BABAM2: variants seen among roughly 807,000 people sequenced by gnomAD.
BABAM2 encodes BRISC and BRCA1-A complex member 2.
Under a neutral mutation model 54.7 loss-of-function variants are expected in BABAM2, and 31 were observed. The ratio of observed to expected loss-of-function variants is 0.57; its 90% confidence interval spans 0.43 to 0.77. The LOEUF is 0.77. Ranked by LOEUF, BABAM2 falls within the 30% of genes least tolerant of loss-of-function variation. BABAM2 has a pLI of 0.00. For synonymous variants in BABAM2, 167 were observed against 162.9 expected (o/e 1.03, Z -0.19); for missense variants, 364 against 455.8 (o/e 0.80, Z 1.83).
At chr2:28,107,536 G>A (rs1027721502) in intron 6 of BABAM2, among the ~76,000 whole-genome samples, 10 of 152,036 alleles carry the variant, frequency 6.6e-5, no homozygotes, top group East Asian at 1.9e-4. Context: ...GTGACTTTCC[G>A]TGTGCTGTCA....
intron 4 of BABAM2, among the ~76,000 whole-genome samples, chr2:28,024,516 A>G (rs888879458): frequency 6.6e-6 from 1 of 152,224 alleles, no homozygotes; most frequent in African/African-American, 2.4e-5. Context: ...GAGAGTACAC[A>G]TGGAGGACTA....
At chr2:27,950,904 T>C (rs1669666205) in intron 3 of BABAM2, among the ~76,000 whole-genome samples, 1 of 152,206 alleles carries the variant, frequency 6.6e-6, no homozygotes, top group South Asian at 2.1e-4. Flanking sequence ...ATTTGTCCAT[T>C]TCATCTAAGT....
intron 10 of BABAM2, among the ~76,000 whole-genome samples, chr2:28,286,917 A>G (rs1453231082): frequency 2.6e-5 from 4 of 152,172 alleles, no homozygotes; most frequent in Non-Finnish European, 5.9e-5. Flanking sequence ...CTAGAATGTA[A>G]AGGTCATAAC....
intron 3 of BABAM2, among the ~76,000 whole-genome samples, chr2:27,970,380 A>G (rs1372237490): frequency 6.6e-6 from 1 of 152,240 alleles, no homozygotes; most frequent in African/African-American, 2.4e-5. Context: ...TACTATGAGC[A>G]TCTGTCAACC....
chr2:27,895,749 T>C (rs1265620689), intron 2 of BABAM2, among the ~76,000 whole-genome samples: 1 of 152,206 alleles, frequency 6.6e-6, no homozygotes, highest in African/African-American at 2.4e-5. Flanking sequence ...ATTACTACTC[T>C]GGTGCTTGTC....
intron 3 of BABAM2, among the ~76,000 whole-genome samples, chr2:27,947,787 G>A (rs1669409650): frequency 6.6e-6 from 1 of 152,018 alleles, no homozygotes; most frequent in African/African-American, 2.4e-5. Context: ...TTTTGTATAC[G>A]ATACAGGTTT....
intron 7 of BABAM2, among the ~76,000 whole-genome samples, chr2:28,139,341 AAAAAG>A (rs1553326511): frequency 1.6e-4 from 20 of 123,978 alleles, no homozygotes; most frequent in African/African-American, 6.0e-4. Flanking sequence ...AAAAAAAAAA[AAAAAG>A]AAAAAGAAAA....
At chr2:28,196,303 G>T (rs945804734) in intron 7 of BABAM2, among the ~76,000 whole-genome samples, 4 of 104,256 alleles carry the variant, frequency 3.8e-5, no homozygotes, top group African/African-American at 1.1e-4. Context: ...CTCCAGCCTG[G>T]GCAACAGAGC....
At chr2:27,969,557 C>A (rs1671058409) in intron 3 of BABAM2, among the ~76,000 whole-genome samples, 1 of 152,174 alleles carries the variant, frequency 6.6e-6, no homozygotes, top group South Asian at 2.1e-4. Context: ...AGTAGTCCAG[C>A]CTTTTTATAT....
chr2:28,129,456 C>G (rs1669846490), intron 7 of BABAM2, 76 bp downstream of exon 7: 2 of 1,231,170 alleles, frequency 1.6e-6, no homozygotes, highest in Non-Finnish European at 2.4e-6. Flanking sequence ...TTTTGCCACT[C>G]TTGAACTCTT....
chr2:28,177,251 C>T (rs546429398), intron 7 of BABAM2, among the ~76,000 whole-genome samples: 4 of 150,588 alleles, frequency 2.7e-5, no homozygotes, highest in South Asian at 4.2e-4. Context: ...ATGGCCTATT[C>T]GAAGTACTGA....
intron 3 of BABAM2, among the ~76,000 whole-genome samples, chr2:27,965,628 A>G (rs926582211): frequency 1.1e-4 from 16 of 152,216 alleles, no homozygotes; most frequent in African/African-American, 1.7e-4. Context: ...ATTACTAGTC[A>G]TTATTCAATT....
Position 28,298,429 on chromosome 2 carries a change from G to A in BABAM2, c.1026G>A (p.Gln342=). 1.2e-6 allele frequency: 2 copies of A among 1,614,084 alleles called. No individual in the cohort carries two copies. The highest frequency in any genetic ancestry group is 1.1e-5 in the South Asian group (1 of 91,082). ...CCAACAGTGGACAGCTTTACTCCCA[G>A]GCCCAAAAAAATTATCCGTACAGCC... ...HFTNSGQLYS[Q]AQKNYPYSPR... is the part of the protein sequence containing the mutation. Residue 342 remains glutamine, a synonymous_variant, in exon 11 of 12, where the codon CAG becomes CAA. Coordinates refer to ENST00000379624, the MANE Select transcript of BABAM2 (RefSeq NM_199191.3).
At chr2:28,320,328 C>T (rs751318104) in intron 11 of BABAM2, among the ~76,000 whole-genome samples, 4 of 152,196 alleles carry the variant, frequency 2.6e-5, no homozygotes, top group Non-Finnish European at 5.9e-5. Flanking sequence ...GTGCAGAGCA[C>T]CATGCTAAGG....
chr2:28,128,905 TG>T (rs200882282), intron 6 of BABAM2, among the ~76,000 whole-genome samples: 2,000 of 152,338 alleles, frequency 0.013, 26 homozygotes, highest in South Asian at 0.049. Flanking sequence ...GATATTTTAA[TG>T]TTTTTTGATG....
At chr2:27,981,679 G>A (rs1672012374) in intron 3 of BABAM2, among the ~76,000 whole-genome samples, 1 of 152,052 alleles carries the variant, frequency 6.6e-6, no homozygotes, top group Non-Finnish European at 1.5e-5. Context: ...TATCCACATT[G>A]GAGCATTATA....
intron 6 of BABAM2, among the ~76,000 whole-genome samples, chr2:28,053,506 C>T (rs1678154118): frequency 6.6e-6 from 1 of 152,184 alleles, no homozygotes; most frequent in African/African-American, 2.4e-5. Flanking sequence ...GTGCTGTTTA[C>T]TCCTGTAATA....
At position 28,139,250 on chromosome 2, in the gene BABAM2, G is replaced by A. The variant is rs1035240150; in HGVS notation, c.680+9870G>A. On this transcript the variant is annotated intron_variant, in intron 7 of 11. Transcript: ENST00000379624. ...GGCAGGAGAATCGCTTGAACGGAGA[G>A]GTGGAGGTTGCAGTAAGCCAAGAAC... Among the ~76,000 whole-genome samples, 6 of 149,288 alleles carry A rather than the reference G, an allele frequency of 4.0e-5. No individual in the cohort carries two copies. In the South Asian group the frequency reaches 1.1e-3, roughly 27 times the overall value.
chr2:28,195,377 A>T (rs999242518), intron 7 of BABAM2, among the ~76,000 whole-genome samples: 1 of 152,212 alleles, frequency 6.6e-6, no homozygotes, highest in Non-Finnish European at 1.5e-5. Flanking sequence ...ATAATAACAT[A>T]AAATCTTTAC....
Sources: allele counts gnomAD v4.1 joint callset (sites outside exome capture counted in the v4.1 genomes callset), GRCh38; gene constraint gnomAD v4.1.1; transcripts MANE v1.5; gene names NCBI Gene and HGNC (gene_info 2026-07-23, HGNC 2026-07-21).